Variants in HCN2 observed in about 807,000 individuals in gnomAD.
HCN2 encodes potassium/sodium hyperpolarization-activated cyclic nucleotide-gated channel 2.
A neutral mutation model predicts 52.3 loss-of-function variants in HCN2; 20 were observed. The ratio of observed to expected loss-of-function variants is 0.38; its 90% CI spans 0.27 to 0.56. The LOEUF (loss-of-function observed/expected upper bound fraction) is 0.56, where lower values mean the gene tolerates loss of function less well. Ranked by LOEUF, HCN2 falls within the 20% of genes least tolerant of loss-of-function variation. The pLI is 0.71. For missense variants in HCN2, 981 were observed against 1,207.7 expected (o/e 0.81, Z 2.78); for synonymous variants, 694 against 537.0 (o/e 1.29, Z -4.04).
intron 1 of HCN2, among the ~76,000 whole-genome samples, chr19:594,250 G>A (rs1237672792): frequency 1.3e-5 from 2 of 152,154 alleles, no homozygotes; most frequent in African/African-American, 2.4e-5. Flanking sequence ...CAGACCTGGC[G>A]GGGTGGAGAC....
At chr19:612,126 CAG>C (rs972533149) in intron 5 of HCN2, among the ~76,000 whole-genome samples, 2 of 151,376 alleles carry the variant, frequency 1.3e-5, no homozygotes, top group African/African-American at 2.4e-5. Flanking sequence ...GCCTGGACAA[CAG>C]AGCGAGACTC....
Position 590,037 on chromosome 19 carries a change from C to A in HCN2, c.92C>A (p.Pro31His). 4 of 619,092 alleles carry A rather than the reference C, an allele frequency of 6.5e-6. No homozygotes were observed. Among genetic ancestry groups the A allele is most frequent in the African/African-American group, 4.3e-5 (2 of 46,468 alleles). The allele number at this position is 619,092 out of a possible 1,614,324, so 38.3% of individuals were successfully genotyped here. Reference protein sequence around the residue: ...GPPPPPPPAPPQQQPPPPPPP... With the variant: ...GPPPPPPPAPHQQQPPPPPPP... ...CCGCCGCCGCCGCCGCCCGCGCCCCCCCAACAGCAGCCGCCGCCGCCGCCG... is the reference window on the plus strand; with the variant it reads ...CCGCCGCCGCCGCCGCCCGCGCCCCACCAACAGCAGCCGCCGCCGCCGCCG... The change falls in exon 1 of 8, where the codon CCC becomes CAC. Residue 31 changes from proline (P) to histidine (H), a missense_variant. Coordinates refer to ENST00000251287, the MANE Select transcript of HCN2 (RefSeq NM_001194.4). This position sits in a 1 kb window ranked among gnomAD's most constrained non-coding sequence, Gnocchi z 7.2.
rs558880151 is a variant in HCN2 at position 608,589 on chromosome 19, G to A, written c.1437+407G>A. On this transcript the variant is annotated intron_variant, in intron 4 of 7. Transcript: ENST00000251287. The stretch of plus-strand genomic sequence containing the variant: ...CAGAGCCTGGAGATGGACGTGGGGC[G>A]GGGGCTGGGGAGGGGATGCAGGCTG... Among the ~76,000 whole-genome samples the A allele has an allele frequency of 6.6e-5, 10 of 152,234 alleles. No individual in the cohort carries two copies. In the South Asian group the frequency reaches 8.3e-4, roughly 13 times the overall value.
At position 603,897 on chromosome 19, in the gene HCN2, C is replaced by A; in HGVS notation, c.986C>A (p.Thr329Asn). 6.2e-7 allele frequency: 1 copy of A among 1,612,242 alleles called. No homozygotes were observed. Reference protein sequence around the residue: ...TARALRIVRFTKILSLLRLLR... With the variant: ...TARALRIVRFNKILSLLRLLR... ...CGCGCCCTGCGCATCGTGCGCTTCA[C>A]CAAGATCCTCAGCCTCCTGCGGCTG... Residue 329 changes from threonine to asparagine, a missense_variant, in exon 2 of 8, where the codon ACC becomes AAC. Thr to Asn is a moderately conservative substitution (Grantham distance 65). Coordinates refer to ENST00000251287, the MANE Select transcript of HCN2 (RefSeq NM_001194.4).
In HCN2 at chr19:613,484, CGG is replaced by C; in HGVS notation, c.1825_1825+1del. On this transcript the variant is annotated frameshift_variant and splice_region_variant, in exon 6 of 8. Transcript: ENST00000251287. LOFTEE classifies it high-confidence loss of function. ...TGAAGCTGTCCGATGGCTCCTACTT[CGG>C]GGGTGAGCTTGAGGGGGGCGCGCCT... ...EMKLSDGSYFGEICLLTRGRR... is the reference protein window; with the variant it reads ...EMKLSDGSYFXEICLLTRGRR... The C allele has an allele frequency of 7.3e-7, 1 of 1,372,270 alleles. No homozygotes were observed. Among genetic ancestry groups the C allele is most frequent in the Non-Finnish European group, 9.6e-7 (1 of 1,037,892 alleles). 85.0% of individuals were successfully genotyped at this position (1,372,270 alleles called of 1,614,324 possible). A position where few individuals can be genotyped will look rare whatever the true frequency, so the allele number is the denominator to read the frequency against.
intron 7 of HCN2, among the ~76,000 whole-genome samples, chr19:614,241 G>C (rs1283007762): frequency 1.3e-5 from 2 of 152,072 alleles, no homozygotes; most frequent in Non-Finnish European, 2.9e-5. Flanking sequence ...ACCCCTTTGG[G>C]TCTAGAGGCT....
intron 1 of HCN2, among the ~76,000 whole-genome samples, chr19:596,511 C>T (rs1272784650): frequency 3.9e-5 from 6 of 152,218 alleles, no homozygotes; most frequent in African/African-American, 7.2e-5. Context: ...AGGACCCCCG[C>T]GTTTCCGAGG....
At chr19:612,687 T>C (rs1489713522) in intron 5 of HCN2, among the ~76,000 whole-genome samples, 1 of 151,818 alleles carries the variant, frequency 6.6e-6, no homozygotes, top group Non-Finnish European at 1.5e-5. Context: ...AGTGCTGGGA[T>C]TACAGGTGTG....
rs757372318 is a variant in HCN2 at position 610,311 on chromosome 19, G to A, written c.1490G>A (p.Arg497His). Reference sequence around the variant, plus strand: ...TTCCACAAGCTGCCAGCTGACTTCCGCCAGAAGATCCACGACTACTATGAG... The same window carrying A: ...TTCCACAAGCTGCCAGCTGACTTCCACCAGAAGATCCACGACTACTATGAG... ...MSFHKLPADF[R>H]QKIHDYYEHR... Residue 497 changes from arginine to histidine, a missense_variant, in exon 5 of 8, where the codon CGC becomes CAC. This residue lies in a region of HCN2 where 282 missense variants were observed against 553.8 expected (regional missense o/e 0.51). Transcript: ENST00000251287. 10 of 1,613,654 alleles carry A rather than the reference G, an allele frequency of 6.2e-6. No individual in the cohort carries two copies. Among genetic ancestry groups the A allele is most frequent in the East Asian group, 2.2e-5 (1 of 44,880 alleles).
Position 595,171 on chromosome 19 carries a change from C to T in HCN2, c.632+4594C>T, listed in dbSNP as rs558102271. ...GAGCTATGATCGTGCCACTGCACTCCGGCCCGGGAAACAGAGTGAGACCCT... is the reference window on the plus strand; with the variant it reads ...GAGCTATGATCGTGCCACTGCACTCTGGCCCGGGAAACAGAGTGAGACCCT... On this transcript the variant is annotated intron_variant, in intron 1 of 7. Transcript: ENST00000251287. Among the ~76,000 whole-genome samples, 18 of 150,214 alleles carry T rather than the reference C, an allele frequency of 1.2e-4. 1 individual carries two copies. The highest frequency in any genetic ancestry group is 6.6e-4 in the Admixed American group (10 of 15,196).
chr19:596,891 AGGAGAGGGTTGGGGT>A (rs139354312), intron 1 of HCN2, among the ~76,000 whole-genome samples: 16,532 of 152,094 alleles, frequency 0.11, 1,138 homozygotes, highest in Admixed American at 0.2. Context: ...GTGTTGGGCA[AGGAGAGGGTTGGGGT>A]GGAGAGGGTT....
chr19:614,138 CGGTT>C lies in HCN2; in HGVS notation c.1990+125_1990+128del, dbSNP rs898926171. The C allele has an allele frequency of 2.0e-4, 147 of 727,704 alleles. 1 individual carries two copies. In the African/African-American group the frequency reaches 2.6e-3, roughly 13 times the overall value. 45.1% of individuals were successfully genotyped at this position (727,704 alleles called of 1,614,324 possible). A position where few individuals can be genotyped will look rare whatever the true frequency, so the allele number is the denominator to read the frequency against. On this transcript the variant is annotated intron_variant, in intron 7 of 7. Transcript: ENST00000251287. ...GGGCGTGGCTGTGGCATCAGGGGCA[CGGTT>C]GGGGCAGAGACGTGGCCAAGGCATC...
intron 1 of HCN2, among the ~76,000 whole-genome samples, chr19:601,565 G>T (rs940638447): frequency 3.9e-5 from 6 of 152,078 alleles, no homozygotes; most frequent in Middle Eastern, 3.2e-3. Flanking sequence ...GAACACGGTG[G>T]GGTGGTTGTC....
At position 594,712 on chromosome 19, in the gene HCN2, G is replaced by A. The variant is rs533762135; in HGVS notation, c.632+4135G>A. ...TTATCCTGGGGGGATGGCCCCGGGG[G>A]CAGGGCGAGGCGAGGGTTTGTCTGG... On this transcript the variant is annotated intron_variant, in intron 1 of 7. Coordinates refer to ENST00000251287, the MANE Select transcript of HCN2 (RefSeq NM_001194.4). Among the ~76,000 whole-genome samples the A allele has an allele frequency of 3.9e-5, 6 of 152,284 alleles. No individual in the cohort carries two copies. In the South Asian group the frequency reaches 1.0e-3, roughly 26 times the overall value.
intron 4 of HCN2, 98 bp downstream of exon 4, chr19:608,280 G>A: frequency 8.9e-7 from 1 of 1,123,270 alleles, no homozygotes; most frequent in Non-Finnish European, 1.3e-6. Flanking sequence ...GGGTCTGATG[G>A]AGGGAGGCAG....
chr19:611,692 G>GTGC (rs1983644235), intron 5 of HCN2, among the ~76,000 whole-genome samples: 1 of 152,126 alleles, frequency 6.6e-6, no homozygotes, highest in Non-Finnish European at 1.5e-5. Flanking sequence ...TATTAACAGA[G>GTGC]TGCTGCACCC....
intron 7 of HCN2, among the ~76,000 whole-genome samples, chr19:615,188 C>T (rs1983840875): frequency 6.6e-6 from 1 of 152,100 alleles, no homozygotes; most frequent in Non-Finnish European, 1.5e-5. Flanking sequence ...CACAGTGATA[C>T]CTGCTCCATG....
intron 1 of HCN2, among the ~76,000 whole-genome samples, chr19:599,886 G>A (rs979792996): frequency 6.8e-6 from 1 of 146,928 alleles, no homozygotes; most frequent in Non-Finnish European, 1.5e-5. Flanking sequence ...GTGTGTGTGT[G>A]TGTGTGTGTG....
At chr19:597,147 C>T (rs1312414651) in intron 1 of HCN2, among the ~76,000 whole-genome samples, 3 of 152,236 alleles carry the variant, frequency 2.0e-5, no homozygotes, top group Admixed American at 1.3e-4. Context: ...CCTGTCCCTT[C>T]TCCTAGGCCC....
Sources: gnomAD v4.1 joint callset for allele counts (sites outside exome capture counted in the v4.1 genomes callset) on GRCh38, gnomAD v4.1.1 for gene constraint, gnomAD v4.1.1 regional missense constraint, Gnocchi (gnomAD v3.1) non-coding constraint, MANE v1.5 for transcripts, NCBI Gene and HGNC (gene_info 2026-07-23, HGNC 2026-07-21) for gene names.